Variants in EXOC5 observed in about 807,000 individuals in gnomAD.
The protein encoded by EXOC5 is exocyst complex component 5.
A neutral mutation model predicts 90.8 loss-of-function variants in EXOC5; 17 were observed. The ratio of observed to expected loss-of-function variants is 0.19; its 90% CI spans 0.13 to 0.28. The LOEUF is 0.28. Ranked by LOEUF, EXOC5 falls within the 10% of genes least tolerant of loss-of-function variation. EXOC5 has a pLI of 1.00. For synonymous variants in EXOC5, 260 were observed against 270.0 expected (o/e 0.96, Z 0.36); for missense variants, 569 against 830.6 (o/e 0.69, Z 3.87).
Position 57,245,627 on chromosome 14 carries a change from T to C in EXOC5, c.270+1084A>G, listed in dbSNP as rs191100796. Among the ~76,000 whole-genome samples the C allele has an allele frequency of 1.2e-3, 185 of 152,332 alleles. 1 individual carries two copies. Among genetic ancestry groups the C allele is most frequent in the African/African-American group, 4.3e-3 (179 of 41,566 alleles). ...AAATTACTGACTTCCTTATTTCTCA[T>C]AGCCACATATGTTTAAGAAAAGGAA... is the stretch of plus-strand genomic sequence containing the variant. On this transcript the variant is annotated intron_variant, in intron 3 of 17. Transcript: ENST00000621441.
intron 11 of EXOC5, among the ~76,000 whole-genome samples, chr14:57,230,164 T>C (rs975445218): frequency 5.3e-5 from 8 of 152,178 alleles, no homozygotes; most frequent in Non-Finnish European, 7.3e-5. Context: ...TGGGTTTCCT[T>C]AGAAAGTGAG....
At chr14:57,231,797 C>T (rs141537007) in intron 10 of EXOC5, 82 bp from the exon 11 acceptor site, 13 of 940,154 alleles carry the variant, frequency 1.4e-5, no homozygotes, top group Middle Eastern at 3.3e-4. Context: ...ATTTTTACAA[C>T]GTGACTTTCA....
At chr14:57,242,463 C>A in intron 4 of EXOC5, among the ~76,000 whole-genome samples, 1 of 151,484 alleles carries the variant, frequency 6.6e-6, no homozygotes, top group Admixed American at 6.6e-5. Flanking sequence ...GGGCTGGTTT[C>A]AAACTCCTAA....
intron 12 of EXOC5, among the ~76,000 whole-genome samples, chr14:57,229,365 T>C (rs1389500136): frequency 3.3e-5 from 5 of 152,168 alleles, no homozygotes; most frequent in Admixed American, 2.6e-4. Context: ...GTAAGTTCTG[T>C]ATCTGTGGGT....
intron 3 of EXOC5, among the ~76,000 whole-genome samples, chr14:57,245,990 C>T (rs1463863175): frequency 6.6e-6 from 1 of 151,830 alleles, no homozygotes; most frequent in Non-Finnish European, 1.5e-5. Flanking sequence ...GTGGAGGTTG[C>T]AGTGAGCCAA....
chr14:57,231,723 T>A lies in EXOC5; in HGVS notation c.939-8A>T. Reference sequence around the variant, plus strand: ...CTGGAAAGATTGGTGGTTCTTTTCATGAAAAAGGGGGAGAAAAAGATTAAT... The same window carrying A: ...CTGGAAAGATTGGTGGTTCTTTTCAAGAAAAAGGGGGAGAAAAAGATTAAT... On this transcript the variant is annotated splice_region_variant and splice_polypyrimidine_tract_variant and intron_variant, in intron 10 of 17. Transcript: ENST00000621441. The A allele has an allele frequency of 1.9e-6, 3 of 1,566,320 alleles. No individual in the cohort carries two copies. Among genetic ancestry groups the A allele is most frequent in the Non-Finnish European group, 2.6e-6 (3 of 1,150,722 alleles).
At chr14:57,211,170 A>G (rs1882814821) in intron 15 of EXOC5, among the ~76,000 whole-genome samples, 2 of 152,156 alleles carry the variant, frequency 1.3e-5, no homozygotes, top group Admixed American at 1.3e-4. Context: ...GCACATTTTC[A>G]CCATGTAATC....
rs944132014 is a variant in EXOC5, at chr14:57,206,475, G to T, written c.*2134C>A. 4.0e-5 allele frequency: 6 copies of T among 151,406 alleles called. No homozygotes were observed. The highest frequency in any genetic ancestry group is 4.4e-5 in the Non-Finnish European group (3 of 67,842). 9.4% of individuals were successfully genotyped at this position (151,406 alleles called of 1,614,324 possible). On this transcript the variant is annotated 3_prime_UTR_variant, in exon 18 of 18. Transcript: ENST00000621441. ...AGTATTTTTTGCTAAAAAAGAAAAT[G>T]AGAAGACCTGTGCTGTGAAAAATTT...
At chr14:57,224,985 T>A (rs1033763087) in intron 12 of EXOC5, among the ~76,000 whole-genome samples, 8 of 151,540 alleles carry the variant, frequency 5.3e-5, no homozygotes, top group Non-Finnish European at 1.2e-4. Flanking sequence ...TCGCTTGGAC[T>A]GAAGAGGAGG....
chr14:57,266,662 A>G (rs1044873026), intron 1 of EXOC5, among the ~76,000 whole-genome samples: 1 of 151,558 alleles, frequency 6.6e-6, no homozygotes, highest in Admixed American at 6.6e-5. Context: ...CCATGTAACT[A>G]GAGTCACTAA....
rs1555366662 is a variant in EXOC5 at position 57,201,568 on chromosome 14, T to TATA, written c.*7040_*7041insTAT. On this transcript the variant is annotated 3_prime_UTR_variant, in exon 18 of 18. Transcript: ENST00000621441. The stretch of plus-strand genomic sequence containing the variant: ...ACATATATTTTTATATATATTAATA[T>TATA]TATATATATATATATATATATATAT... 17 of 93,404 alleles carry TATA rather than the reference T, an allele frequency of 1.8e-4. No homozygotes were observed. Among genetic ancestry groups the TATA allele is most frequent in the Admixed American group, 1.0e-3 (11 of 10,578 alleles). The allele number at this position is 93,404 out of a possible 1,614,324, so 5.8% of individuals were successfully genotyped here. A position where few individuals can be genotyped will look rare whatever the true frequency, so the allele number is the denominator to read the frequency against.
At chr14:57,242,937 T>G (rs1321144354) in intron 4 of EXOC5, among the ~76,000 whole-genome samples, 1 of 152,162 alleles carries the variant, frequency 6.6e-6, no homozygotes, top group Admixed American at 6.5e-5. Flanking sequence ...CAAAATAATG[T>G]CTTTTGCAGC....
intron 1 of EXOC5, among the ~76,000 whole-genome samples, chr14:57,262,564 G>GTGTA (rs1491406782): frequency 1.3e-3 from 176 of 134,222 alleles, no homozygotes; most frequent in African/African-American, 4.3e-3. Context: ...GTGTGTGTGT[G>GTGTA]TATATATATA....
intron 1 of EXOC5, among the ~76,000 whole-genome samples, chr14:57,255,115 T>C (rs1227202373): frequency 6.6e-6 from 1 of 152,050 alleles, no homozygotes; most frequent in Non-Finnish European, 1.5e-5. Context: ...TCTGAGCACA[T>C]GAACAAAGCA....
chr14:57,222,031 A>G (rs562362260), intron 13 of EXOC5, among the ~76,000 whole-genome samples: 1 of 152,260 alleles, frequency 6.6e-6, no homozygotes, highest in African/African-American at 2.4e-5. Flanking sequence ...TTGCTCCTCG[A>G]CATTTTCTAA....
chr14:57,246,657 A>C (rs1884042210), intron 3 of EXOC5, 54 bp downstream of exon 3: 1 of 1,456,976 alleles, frequency 6.9e-7, no homozygotes, highest in Non-Finnish European at 9.4e-7. Flanking sequence ...AACTGGAAGA[A>C]AATAAAGATA....
chr14:57,239,800 C>T (rs1283259582), intron 4 of EXOC5, 141 bp from the exon 5 acceptor site: 3 of 548,072 alleles, frequency 5.5e-6, no homozygotes, highest in East Asian at 3.1e-5. Context: ...AAATCCACAA[C>T]AAATAAAACT....
At chr14:57,230,269 A>G (rs781429423) in intron 11 of EXOC5, among the ~76,000 whole-genome samples, 1 of 152,208 alleles carries the variant, frequency 6.6e-6, no homozygotes, top group Non-Finnish European at 1.5e-5. Context: ...AGTCATTTTA[A>G]GATTATGCAC....
chr14:57,203,547 G>T lies in EXOC5; in HGVS notation c.*5062C>A, dbSNP rs1188233669. 2.0e-5 allele frequency: 3 copies of T among 152,554 alleles called. No homozygotes were observed. Among genetic ancestry groups the T allele is most frequent in the Non-Finnish European group, 2.9e-5 (2 of 68,014 alleles). 9.5% of individuals were successfully genotyped at this position (152,554 alleles called of 1,614,324 possible). A position where few individuals can be genotyped will look rare whatever the true frequency, so the allele number is the denominator to read the frequency against. ...GTGAAAACAAAGAAAGTCACTCATT[G>T]GAACTATAAATGAAACTTAGCTTTC... is the stretch of plus-strand genomic sequence containing the variant. On this transcript the variant is annotated 3_prime_UTR_variant, in exon 18 of 18. Transcript: ENST00000621441.
Sources: allele counts gnomAD v4.1 joint callset (sites outside exome capture counted in the v4.1 genomes callset), GRCh38; gene constraint gnomAD v4.1.1; transcripts MANE v1.5; gene names NCBI Gene and HGNC (gene_info 2026-07-23, HGNC 2026-07-21).